NRG3: variants seen among roughly 807,000 people sequenced by gnomAD.
NRG3 encodes pro-neuregulin-3, membrane-bound isoform.
A neutral mutation model predicts 66.9 loss-of-function variants in NRG3; 31 were observed. The ratio of observed to expected loss-of-function variants is 0.46; its 90% CI spans 0.35 to 0.63. The LOEUF (loss-of-function observed/expected upper bound fraction) is 0.63. NRG3 is among the 20% of genes least tolerant of loss of function. NRG3 has a pLI of 0.00. For missense variants in NRG3, 910 were observed against 878.9 expected (o/e 1.04, Z -0.45); for synonymous variants, 393 against 359.4 (o/e 1.09, Z -1.06).
intron 2 of NRG3, among the ~76,000 whole-genome samples, chr10:82,617,828 G>C (rs2048766512): frequency 6.6e-6 from 1 of 152,126 alleles, no homozygotes. Flanking sequence ...GACAGCTACG[G>C]AGCAGCTGTC....
intron 3 of NRG3, among the ~76,000 whole-genome samples, chr10:82,843,465 T>G (rs2063160478): frequency 6.6e-6 from 1 of 152,174 alleles, no homozygotes; most frequent in Non-Finnish European, 1.5e-5. Flanking sequence ...CATCGTAAAT[T>G]ACACAGTCTG....
chr10:82,150,526 C>CAAAAAAA (rs2070637635), intron 1 of NRG3, among the ~76,000 whole-genome samples: 1 of 17,152 alleles, frequency 5.8e-5, no homozygotes, highest in African/African-American at 1.5e-4. Flanking sequence ...AAAAAGAGCA[C>CAAAAAAA]ACACAAAAAA....
At chr10:82,262,609 G>A (rs534408538) in intron 1 of NRG3, among the ~76,000 whole-genome samples, 1 of 152,250 alleles carries the variant, frequency 6.6e-6, no homozygotes, top group Admixed American at 6.5e-5. Flanking sequence ...AATGTGTTAG[G>A]TAATAATCAG....
intron 1 of NRG3, among the ~76,000 whole-genome samples, chr10:82,260,612 T>C (rs1050537915): frequency 3.9e-5 from 6 of 152,244 alleles, no homozygotes; most frequent in Non-Finnish European, 7.3e-5. Context: ...TTGAGATCGC[T>C]AGAGAAGCAG....
intron 2 of NRG3, among the ~76,000 whole-genome samples, chr10:82,385,424 A>G (rs1389390177): frequency 6.6e-6 from 1 of 152,214 alleles, no homozygotes; most frequent in African/African-American, 2.4e-5. Context: ...GAGGAAAGAT[A>G]TAAAAAATAC....
chr10:82,033,880 A>G (rs56116651), intron 1 of NRG3, among the ~76,000 whole-genome samples: 7,179 of 152,218 alleles, frequency 0.047, 553 homozygotes, highest in African/African-American at 0.16. Context: ...TGAAATACAT[A>G]TTCTTTATTC....
chr10:82,702,937 A>T (rs1199198103), intron 2 of NRG3, among the ~76,000 whole-genome samples: 1 of 151,884 alleles, frequency 6.6e-6, no homozygotes, highest in Non-Finnish European at 1.5e-5. Context: ...ATGTATAATA[A>T]TACTATGTTC....
Position 82,121,419 on chromosome 10 carries a change from C to T in NRG3, c.824-237320C>T, listed in dbSNP as rs543367613. 2.0e-5 allele frequency among the ~76,000 whole-genome samples: 3 copies of T among 152,232 alleles called. No homozygotes were observed. The East Asian group carries it at 5.8e-4, about 29-fold the overall frequency. Reference sequence around the variant, plus strand: ...TTTAAACTTGGAAGAAATAGTCCCTCAAAGAGAGAATTCAGGAACATACCC... The same window carrying T: ...TTTAAACTTGGAAGAAATAGTCCCTTAAAGAGAGAATTCAGGAACATACCC... On this transcript the variant is annotated intron_variant, in intron 1 of 8. Coordinates refer to ENST00000372141, the MANE Select transcript of NRG3 (RefSeq NM_001010848.4).
intron 4 of NRG3, among the ~76,000 whole-genome samples, chr10:82,922,266 G>A (rs886708563): frequency 1.3e-5 from 2 of 151,890 alleles, no homozygotes; most frequent in African/African-American, 2.4e-5. Flanking sequence ...ACTCCTCATC[G>A]GGCAGCCCCG....
chr10:82,536,324 CAA>C (rs1406564609), intron 2 of NRG3, among the ~76,000 whole-genome samples: 1 of 152,136 alleles, frequency 6.6e-6, no homozygotes, highest in Non-Finnish European at 1.5e-5. Context: ...AAAAGGAAAA[CAA>C]GAATCAAATC....
Position 82,985,799 on chromosome 10 carries a change from C to T in NRG3, c.*194C>T, listed in dbSNP as rs905920443. On this transcript the variant is annotated 3_prime_UTR_variant, in exon 9 of 9. Coordinates refer to ENST00000372141, the MANE Select transcript of NRG3 (RefSeq NM_001010848.4). Reference sequence around the variant, plus strand: ...AAGAAATGTTTCAGGAGGGATAAAGCTTACCATTAAAGCTTTTGGGTAGAA... The same window carrying T: ...AAGAAATGTTTCAGGAGGGATAAAGTTTACCATTAAAGCTTTTGGGTAGAA... 3.2e-6 allele frequency: 2 copies of T among 616,232 alleles called. No homozygotes were observed. Among genetic ancestry groups the T allele is most frequent in the Admixed American group, 3.2e-5 (1 of 31,404 alleles). 38.2% of individuals were successfully genotyped at this position (616,232 alleles called of 1,614,324 possible). A position where few individuals can be genotyped will look rare whatever the true frequency, so the allele number is the denominator to read the frequency against.
chr10:82,228,794 T>C (rs1564687337), intron 1 of NRG3: 1 of 152,166 alleles, frequency 6.6e-6, no homozygotes, highest in African/African-American at 2.4e-5. Flanking sequence ...CAGAAGTAGA[T>C]GGTATGCCCT....
chr10:82,098,267 A>G (rs906983998), intron 1 of NRG3, among the ~76,000 whole-genome samples: 2 of 150,840 alleles, frequency 1.3e-5, no homozygotes, highest in Admixed American at 1.3e-4. Context: ...TCATATATAG[A>G]TGTCATATAT....
chr10:82,274,721 A>G (rs1414172299), intron 1 of NRG3, among the ~76,000 whole-genome samples: 2 of 152,014 alleles, frequency 1.3e-5, no homozygotes, highest in Non-Finnish European at 2.9e-5. Context: ...ATTAAAAACT[A>G]AAATTTTAAA....
At chr10:82,944,384 C>T (rs1037577716) in intron 4 of NRG3, among the ~76,000 whole-genome samples, 1 of 152,130 alleles carries the variant, frequency 6.6e-6, no homozygotes, top group Admixed American at 6.5e-5. Context: ...GCAGGGTAGA[C>T]AGATTATTAT....
At chr10:82,429,342 C>G (rs942462794) in intron 2 of NRG3, among the ~76,000 whole-genome samples, 2 of 151,804 alleles carry the variant, frequency 1.3e-5, no homozygotes, top group African/African-American at 4.8e-5. Context: ...CAGTATTCCC[C>G]CTTTTTATTT....
At chr10:82,627,750 C>T (rs76260589) in intron 2 of NRG3, among the ~76,000 whole-genome samples, 4,539 of 152,156 alleles carry the variant, frequency 0.03, 115 homozygotes, top group South Asian at 0.071. Flanking sequence ...AAATATTACC[C>T]ATCATTCAAG....
At chr10:82,482,817 T>A (rs190329767) in intron 2 of NRG3, among the ~76,000 whole-genome samples, 9 of 152,240 alleles carry the variant, frequency 5.9e-5, no homozygotes, top group Admixed American at 4.6e-4. Context: ...AGGAAAATGG[T>A]AGTGAGTAGG....
At chr10:82,245,516 C>T (rs2077197474) in intron 1 of NRG3, among the ~76,000 whole-genome samples, 1 of 152,158 alleles carries the variant, frequency 6.6e-6, no homozygotes, top group Non-Finnish European at 1.5e-5. Flanking sequence ...GGAAATTCCA[C>T]ACACACATGG....
Sources: gnomAD v4.1 joint callset for allele counts (sites outside exome capture counted in the v4.1 genomes callset) on GRCh38, gnomAD v4.1.1 for gene constraint, MANE v1.5 for transcripts, NCBI Gene and HGNC (gene_info 2026-07-23, HGNC 2026-07-21) for gene names.